The following IQCM variants were observed in gnomAD, a reference collection of about 807,000 sequenced individuals.
IQCM encodes the protein IQ domain-containing protein M.
IQCM carries 45 observed loss-of-function variants against 57.6 expected under a neutral mutation model. The ratio of observed to expected loss-of-function variants is 0.78; its 90% CI spans 0.62 to 1.00. The LOEUF (loss-of-function observed/expected upper bound fraction) is 1.00, where lower values mean the gene tolerates loss of function less well. Ranked by LOEUF, IQCM falls within the 50% of genes least tolerant of loss-of-function variation. The pLI, the probability that IQCM is intolerant of heterozygous loss-of-function variation, is 0.00. For missense variants in IQCM, 468 were observed against 511.6 expected (o/e 0.91, Z 0.82); for synonymous variants, 148 against 158.9 (o/e 0.93, Z 0.51).
At chr4:149,459,471 T>C (rs1485791573) in intron 12 of IQCM, among the ~76,000 whole-genome samples, 1 of 152,244 alleles carries the variant, frequency 6.6e-6, no homozygotes, top group African/African-American at 2.4e-5. Context: ...AGTTACCATA[T>C]TAGCCATTTT....
chr4:149,602,308 G>A (rs991137333), intron 8 of IQCM, among the ~76,000 whole-genome samples: 13 of 152,012 alleles, frequency 8.6e-5, no homozygotes, highest in Non-Finnish European at 1.5e-4. Context: ...TCAGAACCTC[G>A]AATACTAATT....
At chr4:149,474,463 C>T (rs969146173) in intron 12 of IQCM, among the ~76,000 whole-genome samples, 12 of 150,694 alleles carry the variant, frequency 8.0e-5, no homozygotes, top group Admixed American at 7.9e-4. Flanking sequence ...AATCCCAGCA[C>T]TTTGTAGGCT....
chr4:149,376,462 T>C (rs957467973), intron 13 of IQCM, among the ~76,000 whole-genome samples: 2 of 152,098 alleles, frequency 1.3e-5, no homozygotes, highest in African/African-American at 4.8e-5. Flanking sequence ...CCAGATAGCA[T>C]TCAATTAGTT....
At chr4:149,486,242 GCTAT>G (rs1304103873) in intron 12 of IQCM, among the ~76,000 whole-genome samples, 1 of 152,054 alleles carries the variant, frequency 6.6e-6, no homozygotes, top group Non-Finnish European at 1.5e-5. Context: ...GTCCAGAGAT[GCTAT>G]CTGTGTGTCC....
At chr4:149,768,807 G>A (rs1389031564) in intron 2 of IQCM, among the ~76,000 whole-genome samples, 1 of 152,060 alleles carries the variant, frequency 6.6e-6, no homozygotes, top group Non-Finnish European at 1.5e-5. Context: ...TGAATCCGCT[G>A]TCATATTACT....
intron 12 of IQCM, among the ~76,000 whole-genome samples, chr4:149,475,011 C>T (rs1380587900): frequency 1.3e-5 from 2 of 152,124 alleles, no homozygotes; most frequent in Admixed American, 1.3e-4. Context: ...TTGATCCTTA[C>T]TCAGCTGAAT....
At chr4:149,431,771 T>C (rs1203898272) in intron 13 of IQCM, among the ~76,000 whole-genome samples, 1 of 152,006 alleles carries the variant, frequency 6.6e-6, no homozygotes, top group Admixed American at 6.6e-5. Context: ...TCACTTAATA[T>C]GATGCATTTG....
In IQCM at chr4:149,429,400, T is replaced by C. The variant is rs566097705; in HGVS notation, c.1390+3996A>G. Among the ~76,000 whole-genome samples the C allele has an allele frequency of 2.0e-5, 3 of 152,034 alleles. No individual in the cohort carries two copies. In the South Asian group the frequency reaches 6.2e-4, roughly 31 times the overall value. Reference sequence around the variant, plus strand: ...TATAAAATTATAATCTAGAAGAAATTCTTTGTGCCTATTAGCAAGTTGAAA... The same window carrying C: ...TATAAAATTATAATCTAGAAGAAATCCTTTGTGCCTATTAGCAAGTTGAAA... On this transcript the variant is annotated intron_variant, in intron 13 of 13. Coordinates refer to ENST00000636793, the MANE Select transcript of IQCM (RefSeq NM_001363507.2).
At chr4:149,695,654 C>T (rs988119521) in intron 5 of IQCM, among the ~76,000 whole-genome samples, 3 of 151,944 alleles carry the variant, frequency 2.0e-5, no homozygotes, top group Non-Finnish European at 4.4e-5. Flanking sequence ...CTTTAGTATG[C>T]TTATAGGTTA....
chr4:149,441,802 A>C (rs547162038), intron 12 of IQCM, among the ~76,000 whole-genome samples: 1 of 152,250 alleles, frequency 6.6e-6, no homozygotes, highest in South Asian at 2.1e-4. Flanking sequence ...TTTGTCCAAA[A>C]TTCAGCTTGA....
intron 10 of IQCM, among the ~76,000 whole-genome samples, chr4:149,561,022 C>CAGT (rs1750071103): frequency 6.6e-6 from 1 of 152,104 alleles, no homozygotes; most frequent in Non-Finnish European, 1.5e-5. Context: ...AGGATTTTGA[C>CAGT]AGTAGGCAAA....
chr4:149,535,484 T>C lies in IQCM; in HGVS notation c.1228+12971A>G, dbSNP rs1747199827. 2.0e-5 allele frequency among the ~76,000 whole-genome samples: 3 copies of C among 151,986 alleles called. No homozygotes were observed. The South Asian group carries it at 6.2e-4, about 31-fold the overall frequency. Reference sequence around the variant, plus strand: ...TGTTACGAGTACTGGGTGTATAATCTTAATAAACAGAGATCTAACAAAAGG... The same window carrying C: ...TGTTACGAGTACTGGGTGTATAATCCTAATAAACAGAGATCTAACAAAAGG... On this transcript the variant is annotated intron_variant, in intron 12 of 13. Transcript: ENST00000636793.
intron 2 of IQCM, chr4:149,748,691 A>G (rs993284284): frequency 2.6e-5 from 4 of 152,226 alleles, no homozygotes; most frequent in African/African-American, 9.6e-5. Context: ...ATCAAAGCTT[A>G]CCAACAGATG....
chr4:149,499,967 T>C (rs895758222), intron 12 of IQCM, among the ~76,000 whole-genome samples: 4 of 152,164 alleles, frequency 2.6e-5, no homozygotes, highest in African/African-American at 9.6e-5. Context: ...TATAATGCAC[T>C]CCATTGTAAG....
intron 12 of IQCM, among the ~76,000 whole-genome samples, chr4:149,450,590 A>G (rs904338502): frequency 6.6e-6 from 1 of 151,828 alleles, no homozygotes; most frequent in Non-Finnish European, 1.5e-5. Flanking sequence ...TATAAAAGGC[A>G]AACAGGCATG....
intron 8 of IQCM, among the ~76,000 whole-genome samples, chr4:149,590,638 TC>T (rs138060452): frequency 0.022 from 3,373 of 152,016 alleles, 100 homozygotes; most frequent in South Asian, 0.15. Context: ...TGTGTGATGT[TC>T]CCCTCCTTGT....
chr4:149,481,929 G>A (rs1347927008), intron 12 of IQCM, among the ~76,000 whole-genome samples: 1 of 460 alleles, frequency 2.2e-3, no homozygotes, highest in Non-Finnish European at 5.2e-3. Context: ...CTTTTTTTGG[G>A]GGGGTTGGTT....
intron 12 of IQCM, among the ~76,000 whole-genome samples, chr4:149,527,481 G>T (rs770161939): frequency 6.6e-6 from 1 of 152,188 alleles, no homozygotes. Context: ...CCATCTGCAA[G>T]TCAGGAAGAG....
At position 149,785,819 on chromosome 4, in the gene IQCM, T is replaced by TAAA. The variant is rs34985606; in HGVS notation, c.-49+29489_-49+29491dup. Among the ~76,000 whole-genome samples, 10 of 140,752 alleles carry TAAA rather than the reference T, an allele frequency of 7.1e-5. No homozygotes were observed. In the South Asian group the frequency reaches 9.0e-4, roughly 13 times the overall value. 92.3% of individuals were successfully genotyped at this position (140,752 alleles called of 152,430 possible). On this transcript the variant is annotated intron_variant, in intron 2 of 13. Transcript: ENST00000636793. ...TTTCTTTTACAACCCTTTAAAAATG[T>TAAA]AAAAAAAAAAAAAAATCTTAGCCCT...
Sources: gnomAD v4.1 joint callset for allele counts (sites outside exome capture counted in the v4.1 genomes callset) on GRCh38, gnomAD v4.1.1 for gene constraint, MANE v1.5 for transcripts, NCBI Gene and HGNC (gene_info 2026-07-23, HGNC 2026-07-21) for gene names.